The following BTBD10 variants were observed in gnomAD, a reference collection of about 807,000 sequenced individuals.
BTBD10 encodes BTB/POZ domain-containing protein 10.
BTBD10 carries 21 observed loss-of-function variants against 53.2 expected under a neutral mutation model. The observed-to-expected ratio is 0.39, with a 90% CI of 0.28 to 0.57. The LOEUF is 0.57. Among genes scored for constraint, BTBD10 ranks in the 20% least tolerant of loss-of-function variants. The pLI is 0.53. For missense variants in BTBD10, 360 were observed against 594.7 expected (o/e 0.61, Z 4.10); for synonymous variants, 149 against 192.7 (o/e 0.77, Z 1.88).
chr11:13,447,843 G>A (rs539139207), intron 1 of BTBD10, among the ~76,000 whole-genome samples: 2 of 152,082 alleles, frequency 1.3e-5, no homozygotes, highest in South Asian at 2.1e-4. Flanking sequence ...AAAAATAAGC[G>A]GAATTCAAAT....
rs1188893452 is a variant in BTBD10 at position 13,445,061 on chromosome 11, A to G, written c.64T>C (p.Leu22=). The G allele has an allele frequency of 1.2e-6, 2 of 1,613,170 alleles. No individual in the cohort carries two copies. The highest frequency in any genetic ancestry group is 1.3e-5 in the African/African-American group (1 of 74,960). ...TAAAGTTTACGAGGTCTACTATGCA[A>G]TTTCCGATCCCAATTCTCTGGATCA... ...SSDPENWDRK[L]HSRPRKLYKH... Residue 22 remains leucine (L), a synonymous_variant, in exon 2 of 9, where the codon TTG becomes CTG. Transcript: ENST00000278174.
At chr11:13,413,997 G>A (rs942473970) in intron 5 of BTBD10, among the ~76,000 whole-genome samples, 1 of 152,004 alleles carries the variant, frequency 6.6e-6, no homozygotes, top group African/African-American at 2.4e-5. Context: ...ATATTTCTAC[G>A]AAACCATCAT....
rs3046409 is a variant in BTBD10, at chr11:13,430,974, T to TACACACACACACACAC, written c.102-9152_102-9137dup. Among the ~76,000 whole-genome samples, 1,008 of 144,460 alleles carry TACACACACACACACAC rather than the reference T, an allele frequency of 7.0e-3. 14 individuals are homozygous for TACACACACACACACAC. Among genetic ancestry groups the TACACACACACACACAC allele is most frequent in the Non-Finnish European group, 8.6e-3 (568 of 66,234 alleles). The allele number at this position is 144,460 out of a possible 152,430, so 94.8% of individuals were successfully genotyped here. ...TATGGTAAGGTTTTATGGAGATACA[T>TACACACACACACACAC]ACACACACACACACACACACACACA... On this transcript the variant is annotated intron_variant, in intron 2 of 8. Transcript: ENST00000278174.
intron 2 of BTBD10, among the ~76,000 whole-genome samples, chr11:13,426,085 G>A (rs1468658496): frequency 1.3e-5 from 2 of 151,824 alleles, no homozygotes; most frequent in African/African-American, 2.4e-5. Flanking sequence ...GAAGGAAGTG[G>A]GAAGGAAAAA....
At position 13,439,316 on chromosome 11, in the gene BTBD10, T is replaced by A. The variant is rs1289945509; in HGVS notation, c.101+5708A>T. ...GAAATTTTGTCTGGTTGAAAATTTA[T>A]ACTCACTAATCCAAAACCTCAGTGG... On this transcript the variant is annotated intron_variant, in intron 2 of 8. Coordinates refer to ENST00000278174, the MANE Select transcript of BTBD10 (RefSeq NM_032320.7). Among the ~76,000 whole-genome samples the A allele has an allele frequency of 4.6e-5, 7 of 152,252 alleles. No homozygotes were observed. In the South Asian group the frequency reaches 1.2e-3, roughly 27 times the overall value.
intron 1 of BTBD10, among the ~76,000 whole-genome samples, chr11:13,456,598 A>C (rs894581318): frequency 6.6e-6 from 1 of 152,256 alleles, no homozygotes; most frequent in African/African-American, 2.4e-5. Flanking sequence ...TTTAAAAACA[A>C]GTAATTTTTT....
intron 2 of BTBD10, among the ~76,000 whole-genome samples, chr11:13,424,721 T>C (rs1795054243): frequency 1.3e-5 from 2 of 152,140 alleles, no homozygotes; most frequent in Non-Finnish European, 2.9e-5. Context: ...GCTGAGTTCA[T>C]ACTCTTGTCT....
rs918896586 is a variant in BTBD10, at chr11:13,440,042, T to A, written c.101+4982A>T. On this transcript the variant is annotated intron_variant, in intron 2 of 8. Transcript: ENST00000278174. ...AACTTTAGCACATCTGATATTTCCA[T>A]CATCTTCAAGATTCCTCTGAACAAT... 3.3e-6 allele frequency: 5 copies of A among 1,531,840 alleles called. No individual in the cohort carries two copies. The African/African-American group carries it at 6.9e-5, about 21-fold the overall frequency. The allele number at this position is 1,531,840 out of a possible 1,614,324, so 94.9% of individuals were successfully genotyped here. A position where few individuals can be genotyped will look rare whatever the true frequency, so the allele number is the denominator to read the frequency against.
chr11:13,426,038 T>C (rs1277752554), intron 2 of BTBD10, among the ~76,000 whole-genome samples: 1 of 152,140 alleles, frequency 6.6e-6, no homozygotes, highest in African/African-American at 2.4e-5. Context: ...TGCAGGTTCA[T>C]TTCAAGTGGC....
intron 7 of BTBD10, chr11:13,404,557 T>C: frequency 2.1e-6 from 2 of 931,730 alleles, no homozygotes; most frequent in Non-Finnish European, 2.6e-6. Context: ...TAATTTAGTA[T>C]ACCTCTTTTA....
chr11:13,389,947 A>G (rs1439945629), intron 8 of BTBD10, among the ~76,000 whole-genome samples: 1 of 152,146 alleles, frequency 6.6e-6, no homozygotes, highest in East Asian at 1.9e-4. Flanking sequence ...CTCCCATATC[A>G]TTTTAACATT....
At chr11:13,442,452 G>C (rs945901348) in intron 2 of BTBD10, among the ~76,000 whole-genome samples, 7 of 152,100 alleles carry the variant, frequency 4.6e-5, no homozygotes, top group Admixed American at 6.6e-5. Flanking sequence ...TCCTGGGCAA[G>C]TTTACTCATT....
At chr11:13,426,721 A>C (rs1013962410) in intron 2 of BTBD10, among the ~76,000 whole-genome samples, 2 of 152,132 alleles carry the variant, frequency 1.3e-5, no homozygotes, top group African/African-American at 4.8e-5. Flanking sequence ...CAAAAGAAAT[A>C]CAGTTAATAT....
intron 1 of BTBD10, among the ~76,000 whole-genome samples, chr11:13,452,060 T>C (rs1164380778): frequency 6.6e-6 from 1 of 151,934 alleles, no homozygotes; most frequent in Non-Finnish European, 1.5e-5. Flanking sequence ...ACCCAATCCA[T>C]AGAATAAAGA....
intron 8 of BTBD10, among the ~76,000 whole-genome samples, chr11:13,394,849 G>A (rs12419639): frequency 0.77 from 116,171 of 151,470 alleles, 45,428 homozygotes; most frequent in Middle Eastern, 0.87. Context: ...AGCCTCATCC[G>A]TGTCCCTACA....
chr11:13,430,801 A>G (rs1950432445), intron 2 of BTBD10, among the ~76,000 whole-genome samples: 1 of 152,152 alleles, frequency 6.6e-6, no homozygotes, highest in South Asian at 2.1e-4. Flanking sequence ...TAAATTATAT[A>G]AAATTCTAGG....
intron 2 of BTBD10, among the ~76,000 whole-genome samples, chr11:13,432,721 T>C (rs1168859711): frequency 1.3e-5 from 2 of 151,816 alleles, no homozygotes; most frequent in Non-Finnish European, 2.9e-5. Context: ...TTCTGAGAAA[T>C]GCAAAATAAT....
At chr11:13,452,120 A>G (rs138091214) in intron 1 of BTBD10, among the ~76,000 whole-genome samples, 13 of 152,362 alleles carry the variant, frequency 8.5e-5, no homozygotes, top group African/African-American at 3.1e-4. Context: ...CAGGAGGGAC[A>G]GTATCTAATA....
At chr11:13,442,708 T>G (rs1333490238) in intron 2 of BTBD10, among the ~76,000 whole-genome samples, 1 of 152,210 alleles carries the variant, frequency 6.6e-6, no homozygotes, top group East Asian at 1.9e-4. Context: ...AATAGTTCCA[T>G]GCGTGGATAC....
Sources: gnomAD v4.1 joint callset for allele counts (sites outside exome capture counted in the v4.1 genomes callset) on GRCh38, gnomAD v4.1.1 for gene constraint, MANE v1.5 for transcripts, NCBI Gene and HGNC (gene_info 2026-07-23, HGNC 2026-07-21) for gene names.